The following IRAK1BP1 variants were observed in gnomAD, a reference collection of about 807,000 sequenced individuals.
IRAK1BP1 encodes the protein interleukin 1 receptor associated kinase 1 binding protein 1.
In IRAK1BP1, 24 loss-of-function variants were observed where a neutral mutation model predicts 28.0. The ratio of observed to expected loss-of-function variants is 0.86; its 90% CI spans 0.62 to 1.20. The LOEUF (loss-of-function observed/expected upper bound fraction) is 1.20, where lower values mean the gene tolerates loss of function less well. IRAK1BP1 is among the 50% of genes most tolerant of loss of function. IRAK1BP1 has a pLI of 0.00. For missense variants in IRAK1BP1, 336 were observed against 316.7 expected (o/e 1.06, Z -0.46); for synonymous variants, 131 against 116.3 (o/e 1.13, Z -0.81).
chr6:78,882,796 G>C (rs192830966), intron 1 of IRAK1BP1, among the ~76,000 whole-genome samples: 27 of 152,232 alleles, frequency 1.8e-4, no homozygotes, highest in Admixed American at 7.8e-4. Flanking sequence ...TCCAAATAAA[G>C]TTTGGAGTTT....
the IRAK1BP1 span, chr6:78,965,704 A>G: frequency 2.0e-6 from 3 of 1,518,882 alleles, no homozygotes; most frequent in Non-Finnish European, 2.7e-6. Flanking sequence ...CACACTTACC[A>G]TTATTAGGTA....
intron 2 of IRAK1BP1, among the ~76,000 whole-genome samples, chr6:78,897,557 AG>A (rs1486381301): frequency 6.6e-6 from 1 of 152,190 alleles, no homozygotes; most frequent in African/African-American, 2.4e-5. Context: ...ATAAGGTTTA[AG>A]GGAAACTCCT....
chr6:78,955,709 TA>T, the IRAK1BP1 span: 2 of 748,120 alleles, frequency 2.7e-6, no homozygotes, highest in African/African-American at 1.8e-5. Flanking sequence ...TGTTAACATG[TA>T]AGATTAGAAC....
intron 1 of IRAK1BP1, chr6:78,871,915 G>C (rs1462265318): frequency 1.9e-6 from 1 of 518,764 alleles, no homozygotes; most frequent in Admixed American, 3.9e-5. Context: ...GCTTCCATCT[G>C]ACAACATTTG....
At chr6:78,979,003 C>T in the IRAK1BP1 span, among the ~76,000 whole-genome samples, 2 of 152,030 alleles carry the variant, frequency 1.3e-5, no homozygotes, top group African/African-American at 4.8e-5. Context: ...TGTGTAGGCA[C>T]TGTAGTAGGT....
At chr6:78,897,692 C>A in intron 2 of IRAK1BP1, 137 bp from the exon 3 acceptor site, 1 of 568,474 alleles carries the variant, frequency 1.8e-6, no homozygotes, top group South Asian at 4.7e-5. Flanking sequence ...TTATAAGTAT[C>A]AAATAGGCTT....
At chr6:78,931,237 A>G (rs751796227) in intron 4 of IRAK1BP1, among the ~76,000 whole-genome samples, 6 of 152,134 alleles carry the variant, frequency 3.9e-5, no homozygotes, top group Non-Finnish European at 8.8e-5. Context: ...TCCTGTCTCT[A>G]CAATCAATCA....
rs751431176 is a variant in IRAK1BP1, at chr6:78,941,251, C to T, written c.*68-4157C>T. ...CTTTAGGTTTCCTTCCAGGTCCCCT[C>T]TTCACAAGTTTTGATGGCTGTCCTC... On this transcript the variant is annotated intron_variant and NMD_transcript_variant, in intron 4 of 4. Transcript: ENST00000606868. 1.9e-5 allele frequency: 30 copies of T among 1,613,566 alleles called. No individual in the cohort carries two copies. The South Asian group carries it at 2.6e-4, about 14-fold the overall frequency.
intron 4 of IRAK1BP1, among the ~76,000 whole-genome samples, chr6:78,925,687 A>T (rs917282417): frequency 6.6e-6 from 1 of 152,206 alleles, no homozygotes; most frequent in Admixed American, 6.5e-5. Context: ...TCCCATCACT[A>T]GGTATATTCC....
chr6:78,879,712 G>C (rs1334761124), intron 1 of IRAK1BP1, among the ~76,000 whole-genome samples: 4 of 152,176 alleles, frequency 2.6e-5, no homozygotes, highest in Non-Finnish European at 4.4e-5. Flanking sequence ...CCTTACTTAT[G>C]TAGAGAAAAG....
chr6:78,901,864 T>C lies in IRAK1BP1; in HGVS notation c.*3530T>C, dbSNP rs1772114553. 6.6e-6 allele frequency: 1 copy of C among 152,164 alleles called. No individual in the cohort carries two copies. Among genetic ancestry groups the C allele is most frequent in the Admixed American group, 6.5e-5 (1 of 15,276 alleles). The allele number at this position is 152,164 out of a possible 1,614,324, so 9.4% of individuals were successfully genotyped here. A position where few individuals can be genotyped will look rare whatever the true frequency, so the allele number is the denominator to read the frequency against. ...ACTCAAGATGCTGTACCTCATCCTATAATTGTTGTTTTGTAATATTCCTTC... is the reference window on the plus strand; with the variant it reads ...ACTCAAGATGCTGTACCTCATCCTACAATTGTTGTTTTGTAATATTCCTTC... On this transcript the variant is annotated 3_prime_UTR_variant, in exon 4 of 4. Coordinates refer to ENST00000369940, the MANE Select transcript of IRAK1BP1 (RefSeq NM_001010844.4).
At chr6:78,922,413 T>A (rs1305202890) in intron 4 of IRAK1BP1, among the ~76,000 whole-genome samples, 1 of 152,168 alleles carries the variant, frequency 6.6e-6, no homozygotes, top group Non-Finnish European at 1.5e-5. Flanking sequence ...TCCAAAAATA[T>A]AGGACTATGT....
At chr6:78,907,748 C>T (rs1293139643), downstream of IRAK1BP1, among the ~76,000 whole-genome samples, 3 of 151,894 alleles carry the variant, frequency 2.0e-5, no homozygotes, top group African/African-American at 7.2e-5. Flanking sequence ...GAGACAGAGT[C>T]TCACTCTGTC....
intron 1 of IRAK1BP1, among the ~76,000 whole-genome samples, chr6:78,877,715 AG>A (rs1360478296): frequency 1.3e-5 from 2 of 152,194 alleles, no homozygotes; most frequent in African/African-American, 4.8e-5. Flanking sequence ...GGGAAGTGCA[AG>A]GGGTCGGGGA....
chr6:78,954,470 T>A, the IRAK1BP1 span, among the ~76,000 whole-genome samples: 8 of 152,078 alleles, frequency 5.3e-5, no homozygotes, highest in Non-Finnish European at 8.8e-5. Context: ...GGCATTATTC[T>A]TTTTTTCTAG....
At chr6:78,869,940 C>G (rs951021641) in intron 1 of IRAK1BP1, among the ~76,000 whole-genome samples, 3 of 151,896 alleles carry the variant, frequency 2.0e-5, no homozygotes, top group African/African-American at 7.3e-5. Flanking sequence ...GAAATCTCGT[C>G]TCTACTAAAA....
At chr6:78,972,941 T>C in the IRAK1BP1 span, among the ~76,000 whole-genome samples, 3 of 151,994 alleles carry the variant, frequency 2.0e-5, no homozygotes, top group Non-Finnish European at 4.4e-5. Flanking sequence ...TGGAACCAAG[T>C]TGGAAAACAC....
downstream of IRAK1BP1, among the ~76,000 whole-genome samples, chr6:78,907,146 T>C (rs1006244143): frequency 7.9e-5 from 12 of 152,176 alleles, no homozygotes; most frequent in African/African-American, 2.9e-4. Context: ...GGAAAAAAGA[T>C]GAAAAACAAG....
At chr6:78,969,693 A>G in the IRAK1BP1 span, 3 of 480,912 alleles carry the variant, frequency 6.2e-6, no homozygotes, top group Admixed American at 4.0e-5. Context: ...CTGACATAGT[A>G]TCTTACTTTG....
Sources: allele counts gnomAD v4.1 joint callset (sites outside exome capture counted in the v4.1 genomes callset), GRCh38; gene constraint gnomAD v4.1.1; transcripts MANE v1.5; gene names NCBI Gene and HGNC (gene_info 2026-07-23, HGNC 2026-07-21).